The following CFAP221 variants were observed in gnomAD, a reference collection of about 807,000 sequenced individuals.
CFAP221 encodes cilia- and flagella-associated protein 221.
Under a neutral mutation model 113.1 loss-of-function variants are expected in CFAP221, and 97 were observed. The ratio of observed to expected loss-of-function variants is 0.86; its 90% CI spans 0.73 to 1.02. The LOEUF is 1.02. Among genes scored for constraint, CFAP221 ranks in the 50% least tolerant of loss-of-function variants. The probability of loss-of-function intolerance (pLI) is 0.00; values close to 1 mark genes in which losing one functional copy is unlikely to be tolerated. For synonymous variants in CFAP221, 331 were observed against 354.4 expected (o/e 0.93, Z 0.74); for missense variants, 1,025 against 1,013.4 (o/e 1.01, Z -0.16).
At chr2:119,656,199 G>A in intron 23 of CFAP221, 163 bp from the exon 24 acceptor site, 1 of 596,678 alleles carries the variant, frequency 1.7e-6, no homozygotes. Flanking sequence ...CATAAGCTGA[G>A]TGTTTTCACT....
chr2:119,632,168 G>A (rs1042486247), intron 19 of CFAP221, among the ~76,000 whole-genome samples: 6 of 152,000 alleles, frequency 3.9e-5, no homozygotes, highest in African/African-American at 1.4e-4. Context: ...CTGGAGGCTA[G>A]TATTACTCTG....
intron 2 of CFAP221, among the ~76,000 whole-genome samples, chr2:119,547,149 A>G (rs1165801500): frequency 6.6e-6 from 1 of 152,234 alleles, no homozygotes; most frequent in Non-Finnish European, 1.5e-5. Context: ...TTCTTTTGTC[A>G]CTGTAGAACT....
intron 3 of CFAP221, among the ~76,000 whole-genome samples, chr2:119,555,251 A>G (rs1680707336): frequency 6.6e-6 from 1 of 152,074 alleles, no homozygotes; most frequent in Non-Finnish European, 1.5e-5. Context: ...TGCCCTGTGG[A>G]GACAGCACCA....
chr2:119,616,566 G>A (rs748859277), intron 14 of CFAP221, among the ~76,000 whole-genome samples: 4 of 152,118 alleles, frequency 2.6e-5, no homozygotes, highest in African/African-American at 9.7e-5. Context: ...AGGATAAAAC[G>A]AAGACTTCTG....
At chr2:119,581,024 G>A (rs909674328) in intron 6 of CFAP221, 1 of 152,246 alleles carries the variant, frequency 6.6e-6, no homozygotes, top group Non-Finnish European at 1.5e-5. Context: ...TGGTGCAGAG[G>A]TGAGCCATGT....
chr2:119,553,686 G>A (rs565662056), intron 3 of CFAP221, among the ~76,000 whole-genome samples: 1 of 152,272 alleles, frequency 6.6e-6, no homozygotes, highest in Admixed American at 6.5e-5. Flanking sequence ...TCCTTCCCTT[G>A]TGGGTAATTT....
intron 2 of CFAP221, 101 bp from the exon 3 acceptor site, chr2:119,548,983 TA>T: frequency 1.4e-6 from 1 of 738,282 alleles, no homozygotes; most frequent in Non-Finnish European, 2.0e-6. Flanking sequence ...TTCATATGCT[TA>T]AAATGCCCTA....
At chr2:119,592,690 A>G (rs4260253) in intron 7 of CFAP221, among the ~76,000 whole-genome samples, 29,714 of 152,164 alleles carry the variant, frequency 0.2, 3,144 homozygotes, top group African/African-American at 0.27. Flanking sequence ...GCATGCCTCC[A>G]TGCTCGCATG....
At chr2:119,546,319 C>A in intron 2 of CFAP221, 49 bp downstream of exon 2, 1 of 1,512,600 alleles carries the variant, frequency 6.6e-7, no homozygotes, top group Non-Finnish European at 8.8e-7. Context: ...TCTTCCCAGG[C>A]GAGCCAAAGT....
chr2:119,553,894 C>T (rs932858744), intron 3 of CFAP221, among the ~76,000 whole-genome samples: 1 of 152,148 alleles, frequency 6.6e-6, no homozygotes, highest in Non-Finnish European at 1.5e-5. Flanking sequence ...GGATGTGGAA[C>T]TCACTTTAAT....
In CFAP221 at chr2:119,586,430, C is replaced by T. The variant is rs1683227711; in HGVS notation, c.528-689C>T. On this transcript the variant is annotated intron_variant, in intron 6 of 23. Transcript: ENST00000413369. Reference sequence around the variant, plus strand: ...CCAAGAAATGCCACTGCTGCCACAGCTCCTGGGGTGCTGTAAGCAACAGCT... The same window carrying T: ...CCAAGAAATGCCACTGCTGCCACAGTTCCTGGGGTGCTGTAAGCAACAGCT... Among the ~76,000 whole-genome samples the T allele has an allele frequency of 2.0e-5, 3 of 152,192 alleles. No individual in the cohort carries two copies. In the South Asian group the frequency reaches 6.2e-4, roughly 31 times the overall value.
chr2:119,544,921 T>C (rs1022527244), intron 1 of CFAP221, among the ~76,000 whole-genome samples: 1 of 151,716 alleles, frequency 6.6e-6, no homozygotes, highest in Non-Finnish European at 1.5e-5. Context: ...GATGTGAGGC[T>C]CCGGGAGGAG....
chr2:119,638,598 C>T (rs939771), intron 20 of CFAP221, among the ~76,000 whole-genome samples, 181 bp downstream of exon 20: 149,039 of 152,288 alleles, frequency 0.98, 73,030 homozygotes, highest in Non-Finnish European at 1. Flanking sequence ...GACCCCGCAC[C>T]GCCTTGTCCT....
intron 14 of CFAP221, among the ~76,000 whole-genome samples, chr2:119,624,380 G>A (rs1214070782): frequency 6.6e-6 from 1 of 152,214 alleles, no homozygotes; most frequent in Admixed American, 6.5e-5. Context: ...ACAGATGCTG[G>A]AGAGGATGTG....
In CFAP221 at chr2:119,627,713, T is replaced by C; in HGVS notation, c.1577T>C (p.Phe526Ser). ...RISQDDYTSRFSVSPKEVLPF... is the reference protein window; with the variant it reads ...RISQDDYTSRSSVSPKEVLPF... ...AGTCAGGATGATTATACCAGCCGGT[T>C]CTCTGTGTCGCCCAAGGAGGTGCTG... The change falls in exon 16 of 24, where the codon TTC becomes TCC. Residue 526 changes from phenylalanine (F) to serine (S), a missense_variant. Coordinates refer to ENST00000413369, the MANE Select transcript of CFAP221 (RefSeq NM_001271049.2). 6.2e-7 allele frequency: 1 copy of C among 1,613,968 alleles called. No individual in the cohort carries two copies.
At chr2:119,570,383 T>G (rs1224034744) in intron 6 of CFAP221, among the ~76,000 whole-genome samples, 1 of 152,228 alleles carries the variant, frequency 6.6e-6, no homozygotes, top group African/African-American at 2.4e-5. Flanking sequence ...AAAGTCTTAT[T>G]CAGGTATAAT....
At chr2:119,630,243 G>A (rs941222259) in intron 17 of CFAP221, among the ~76,000 whole-genome samples, 8 of 152,182 alleles carry the variant, frequency 5.3e-5, no homozygotes, top group African/African-American at 1.9e-4. Flanking sequence ...GATAAAGTGA[G>A]CAAAAATTAG....
At chr2:119,644,875 C>T (rs1687702290) in intron 21 of CFAP221, among the ~76,000 whole-genome samples, 1 of 152,098 alleles carries the variant, frequency 6.6e-6, no homozygotes, top group South Asian at 2.1e-4. Context: ...TGTGAGAAAC[C>T]TGGCTTCTAA....
At chr2:119,634,796 A>G (rs1002735070) in intron 19 of CFAP221, among the ~76,000 whole-genome samples, 1 of 152,234 alleles carries the variant, frequency 6.6e-6, no homozygotes, top group Non-Finnish European at 1.5e-5. Context: ...AGAGTGAATG[A>G]TGGTTATCAG....
Sources: gnomAD v4.1 joint callset for allele counts (sites outside exome capture counted in the v4.1 genomes callset) on GRCh38, gnomAD v4.1.1 for gene constraint, MANE v1.5 for transcripts, NCBI Gene and HGNC (gene_info 2026-07-23, HGNC 2026-07-21) for gene names.